The following ACTA2 variants were observed in gnomAD, a reference collection of about 807,000 sequenced individuals.
ACTA2 encodes actin, aortic smooth muscle.
In ACTA2, 12 loss-of-function variants were observed where a neutral mutation model predicts 39.5. The observed-to-expected ratio is 0.30, with a 90% confidence interval of 0.19 to 0.49. ACTA2 has a LOEUF of 0.49. Ranked by LOEUF, ACTA2 falls within the 20% of genes least tolerant of loss-of-function variation. The pLI, the probability that ACTA2 is intolerant of heterozygous loss-of-function variation, is 0.99. For missense variants in ACTA2, 236 were observed against 498.8 expected (o/e 0.47, Z 5.02); for synonymous variants, 158 against 180.6 (o/e 0.88, Z 1.00).
At chr10:88,956,578 T>C (rs757866473), upstream of ACTA2, among the ~76,000 whole-genome samples, 4 of 152,190 alleles carry the variant, frequency 2.6e-5, no homozygotes, top group Non-Finnish European at 5.9e-5. Context: ...TTTAGGGGAT[T>C]AGTAGGTGAA....
chr10:88,947,175 C>T, intron 3 of ACTA2, 83 bp downstream of exon 3: 4 of 1,569,992 alleles, frequency 2.5e-6, no homozygotes, highest in Non-Finnish European at 3.5e-6. Flanking sequence ...CAGTTATTTC[C>T]CCAGCAGTAG....
upstream of ACTA2, among the ~76,000 whole-genome samples, chr10:88,957,281 T>A (rs1357748650): frequency 6.6e-6 from 1 of 152,218 alleles, no homozygotes; most frequent in Non-Finnish European, 1.5e-5. Context: ...CTTTATTGCA[T>A]TTTATTTTTG....
intron 1 of ACTA2, among the ~76,000 whole-genome samples, chr10:88,962,824 G>T (rs1846247973): frequency 6.6e-6 from 1 of 150,438 alleles, no homozygotes; most frequent in Non-Finnish European, 1.5e-5. Context: ...TGGCTGAGGA[G>T]GCCTCACAAT....
At chr10:88,941,694 TC>T in intron 5 of ACTA2, 90 bp downstream of exon 5, 1 of 1,203,310 alleles carries the variant, frequency 8.3e-7, no homozygotes, top group South Asian at 1.3e-5. Flanking sequence ...CTAACTCAAC[TC>T]CAGTCCGTCA....
At chr10:88,939,127 A>C (rs1430714910) in intron 7 of ACTA2, among the ~76,000 whole-genome samples, 1 of 152,160 alleles carries the variant, frequency 6.6e-6, no homozygotes, top group African/African-American at 2.4e-5. Flanking sequence ...TCTCCAAGAC[A>C]ATGTGAATGT....
intron 1 of ACTA2, among the ~76,000 whole-genome samples, chr10:88,988,924 C>T (rs977803206): frequency 6.6e-6 from 1 of 152,260 alleles, no homozygotes; most frequent in East Asian, 1.9e-4. Flanking sequence ...TATGTCTCCC[C>T]ACAAAGCACA....
rs142680473 is a variant in ACTA2 at position 88,969,071 on chromosome 10, G to A, written c.-23-20118C>T. On this transcript the variant is annotated intron_variant, in intron 1 of 4. Coordinates refer to the ACTA2 transcript ENST00000415557. ...GGTCTGGAAAGCTGTTATCTGGGTT[G>A]TATTACAACTTTGTGTTTTTTTCTC... Among the ~76,000 whole-genome samples the A allele has an allele frequency of 6.0e-3, 908 of 152,176 alleles. 13 individuals carry two copies. The highest frequency in any genetic ancestry group is 0.02 in the African/African-American group (850 of 41,512).
intron 1 of ACTA2, among the ~76,000 whole-genome samples, chr10:88,979,279 G>A (rs1846651632): frequency 6.6e-6 from 1 of 151,776 alleles, no homozygotes; most frequent in Non-Finnish European, 1.5e-5. Context: ...AAAAAAAAAT[G>A]AGGTCAGCGA....
intron 8 of ACTA2, among the ~76,000 whole-genome samples, chr10:88,937,047 C>T (rs1845754249): frequency 6.6e-6 from 1 of 152,158 alleles, no homozygotes; most frequent in Non-Finnish European, 1.5e-5. Flanking sequence ...GCTTCATTCA[C>T]CTCCCTCTTG....
intron 1 of ACTA2, among the ~76,000 whole-genome samples, chr10:88,963,146 G>A (rs979841896): frequency 2.7e-4 from 41 of 151,170 alleles, no homozygotes; most frequent in Non-Finnish European, 5.2e-4. Flanking sequence ...GGGATTATGG[G>A]AGCTACAATT....
rs951815486 is a variant in ACTA2, at chr10:88,982,428, CT to C, written c.-24+8510del. ...TCACCGAGCTTAAATGTGTTTTTTT[CT>C]TTTTTTTTTTGAAATGAGGAAAGGA... On this transcript the variant is annotated intron_variant, in intron 1 of 4. Coordinates refer to the ACTA2 transcript ENST00000415557. Among the ~76,000 whole-genome samples, 418 of 144,546 alleles carry C rather than the reference CT, an allele frequency of 2.9e-3. 1 individual carries two copies. Among genetic ancestry groups the C allele is most frequent in the African/African-American group, 8.2e-3 (325 of 39,642 alleles). 94.8% of individuals were successfully genotyped at this position (144,546 alleles called of 152,430 possible).
chr10:88,947,134 A>G, intron 3 of ACTA2, 124 bp downstream of exon 3: 1 of 1,384,160 alleles, frequency 7.2e-7, no homozygotes, highest in Non-Finnish European at 1.0e-6. Flanking sequence ...ATGAACATTA[A>G]CAAGTAAAAG....
At chr10:88,985,137 T>G (rs1276721817) in intron 1 of ACTA2, among the ~76,000 whole-genome samples, 1 of 152,192 alleles carries the variant, frequency 6.6e-6, no homozygotes, top group Non-Finnish European at 1.5e-5. Context: ...TCTCCCAGAA[T>G]CTATCTGGGC....
intron 3 of ACTA2, 33 bp from the exon 4 acceptor site, chr10:88,943,940 T>C: frequency 6.3e-7 from 1 of 1,592,204 alleles, no homozygotes; most frequent in South Asian, 1.1e-5. Flanking sequence ...AGAAACACAA[T>C]GATGTGCTGT....
At chr10:88,941,926 TC>T in intron 4 of ACTA2, 57 bp from the exon 5 acceptor site, 1 of 1,495,880 alleles carries the variant, frequency 6.7e-7, no homozygotes, top group East Asian at 2.4e-5. Context: ...CAAAGAATGG[TC>T]AGGAGAGCAC....
chr10:88,980,618 T>C (rs1846687861), intron 1 of ACTA2, among the ~76,000 whole-genome samples: 1 of 152,202 alleles, frequency 6.6e-6, no homozygotes, highest in Non-Finnish European at 1.5e-5. Context: ...TAGGTACTCG[T>C]AAGTATTCGT....
At chr10:88,991,202 T>G (rs925625224) in exon 1 of ACTA2, 3 of 557,726 alleles carry the variant, frequency 5.4e-6, no homozygotes, top group Non-Finnish European at 9.7e-6. Context: ...ACCACTGCGC[T>G]CCACGTTGAG....
At chr10:88,980,915 G>A (rs1051951059) in intron 1 of ACTA2, among the ~76,000 whole-genome samples, 1 of 152,204 alleles carries the variant, frequency 6.6e-6, no homozygotes, top group African/African-American at 2.4e-5. Flanking sequence ...TGCTGAGAAA[G>A]TTCTAAATTT....
chr10:88,940,791 AG>A (rs1845833684), intron 6 of ACTA2: 1 of 283,384 alleles, frequency 3.5e-6, no homozygotes, highest in South Asian at 3.9e-5. Flanking sequence ...CATGTGATAT[AG>A]GGTCTATTAT....
Sources: allele counts gnomAD v4.1 joint callset (sites outside exome capture counted in the v4.1 genomes callset), GRCh38; gene constraint gnomAD v4.1.1; transcripts MANE v1.5; gene names NCBI Gene and HGNC (gene_info 2026-07-23, HGNC 2026-07-21).